Variants in TUSC3 observed in about 807,000 individuals in gnomAD.
The protein encoded by TUSC3 is tumor suppressor candidate 3.
A neutral mutation model predicts 44.8 loss-of-function variants in TUSC3; 45 were observed. The ratio of observed to expected loss-of-function variants is 1.00; its 90% CI spans 0.79 to 1.29. The LOEUF (loss-of-function observed/expected upper bound fraction) is 1.29. Among genes scored for constraint, TUSC3 ranks in the 50% most tolerant of loss-of-function variants. TUSC3 has a pLI of 0.00. For synonymous variants in TUSC3, 212 were observed against 152.9 expected, an observed-to-expected ratio of 1.39 and a Z score of -2.85; for missense variants, 519 against 437.9, an observed-to-expected ratio of 1.19 and a Z score of -1.65.
intron 2 of TUSC3, among the ~76,000 whole-genome samples, chr8:15,625,578 C>G (rs1260817547): frequency 3.3e-5 from 5 of 152,164 alleles, no homozygotes; most frequent in Non-Finnish European, 7.4e-5. Flanking sequence ...AGAGCAAACA[C>G]ATTTTGTACT....
the TUSC3 span, among the ~76,000 whole-genome samples, chr8:15,834,729 G>A: frequency 6.6e-6 from 1 of 151,938 alleles, no homozygotes; most frequent in African/African-American, 2.4e-5. Context: ...TGTTTTTCTG[G>A]TAATTTATTT....
chr8:15,743,640 AT>A, intron 8 of TUSC3, 28 bp downstream of exon 8: 1 of 1,612,590 alleles, frequency 6.2e-7, no homozygotes, highest in Non-Finnish European at 8.5e-7. Context: ...CATTTTTGTA[AT>A]TTCGTTTTAG....
rs114285722 is a variant in TUSC3, at chr8:15,562,344, C to A, written c.138+21776C>A. ...CTAATAAAACCGCTTCGCAATTTAT[C>A]TTTCCATCCGTCTTATCTCCTCTCC... On this transcript the variant is annotated intron_variant, in intron 1 of 10. Coordinates refer to ENST00000503731, the MANE Select transcript of TUSC3 (RefSeq NM_006765.4). Among the ~76,000 whole-genome samples, 1,172 of 152,210 alleles carry A rather than the reference C, an allele frequency of 7.7e-3. 10 individuals are homozygous for A. The highest frequency in any genetic ancestry group is 0.02 in the Middle Eastern group (6 of 294).
At chr8:15,460,272 A>C (rs1198344120) in intron 1 of TUSC3, among the ~76,000 whole-genome samples, 3 of 152,100 alleles carry the variant, frequency 2.0e-5, no homozygotes, top group African/African-American at 4.8e-5. Flanking sequence ...TTTGATTTGC[A>C]GTTCCCTGAT....
intron 1 of TUSC3, among the ~76,000 whole-genome samples, chr8:15,443,526 C>A (rs1800050285): frequency 6.6e-6 from 1 of 152,090 alleles, no homozygotes; most frequent in South Asian, 2.1e-4. Context: ...TGAAAGAGAT[C>A]TAAATTAACC....
intron 1 of TUSC3, among the ~76,000 whole-genome samples, chr8:15,482,450 C>G (rs373921625): frequency 3.8e-4 from 58 of 152,308 alleles, no homozygotes; most frequent in African/African-American, 1.4e-3. Context: ...TGATAGCACA[C>G]CTGTTTAAAG....
chr8:15,613,064 G>GATATATATATATATATATATATATAT (rs34594440), intron 1 of TUSC3, among the ~76,000 whole-genome samples: 6 of 144,570 alleles, frequency 4.2e-5, no homozygotes, highest in African/African-American at 1.5e-4. Context: ...TTATATATAT[G>GATATATATATATATATATATATATAT]ATATATATAT....
At chr8:15,723,927 A>C (rs1417162034) in intron 6 of TUSC3, among the ~76,000 whole-genome samples, 2 of 152,144 alleles carry the variant, frequency 1.3e-5, no homozygotes, top group Non-Finnish European at 2.9e-5. Flanking sequence ...TTCACTTAGA[A>C]TTACTGAGAG....
At chr8:15,461,466 A>C (rs893467392) in intron 1 of TUSC3, among the ~76,000 whole-genome samples, 1 of 152,062 alleles carries the variant, frequency 6.6e-6, no homozygotes, top group African/African-American at 2.4e-5. Context: ...GTGAGCGATC[A>C]TATCATCAGC....
At chr8:15,453,305 C>A (rs2129120668) in intron 1 of TUSC3, among the ~76,000 whole-genome samples, 1 of 152,258 alleles carries the variant, frequency 6.6e-6, no homozygotes, top group African/African-American at 2.4e-5. Context: ...ATAAACTCTT[C>A]TTCCTAAATT....
chr8:15,726,111 G>A (rs1451234244), intron 6 of TUSC3, among the ~76,000 whole-genome samples: 2 of 152,104 alleles, frequency 1.3e-5, no homozygotes, highest in African/African-American at 4.8e-5. Context: ...ATTTAAAAAT[G>A]TTGAAAAACC....
intron 1 of TUSC3, among the ~76,000 whole-genome samples, chr8:15,578,114 T>G (rs1344977425): frequency 6.7e-6 from 1 of 149,746 alleles, no homozygotes; most frequent in Admixed American, 6.7e-5. Flanking sequence ...GGCTCTCCGT[T>G]TGTCTGTTGT....
chr8:15,825,226 A>T, the TUSC3 span, among the ~76,000 whole-genome samples: 1 of 152,120 alleles, frequency 6.6e-6, no homozygotes, highest in Non-Finnish European at 1.5e-5. Context: ...GTTAGTTCTC[A>T]TGCTGCTGAT....
intron 5 of TUSC3, among the ~76,000 whole-genome samples, chr8:15,666,836 A>G (rs769859923): frequency 6.6e-6 from 1 of 151,506 alleles, no homozygotes; most frequent in Non-Finnish European, 1.5e-5. Flanking sequence ...TTTTGCAAAC[A>G]GGTATTTCTA....
chr8:15,632,013 ATTC>A (rs1563143966), intron 2 of TUSC3, among the ~76,000 whole-genome samples: 1 of 152,120 alleles, frequency 6.6e-6, no homozygotes, highest in Non-Finnish European at 1.5e-5. Context: ...GGCCAAGGCT[ATTC>A]TTATATAATT....
At chr8:15,661,583 A>G (rs1290887091) in intron 4 of TUSC3, among the ~76,000 whole-genome samples, 1 of 151,956 alleles carries the variant, frequency 6.6e-6, no homozygotes, top group Non-Finnish European at 1.5e-5. Context: ...CGAATTTCAA[A>G]TATCTGATCA....
chr8:15,654,554 T>C (rs1189841644), intron 3 of TUSC3, among the ~76,000 whole-genome samples: 1 of 152,276 alleles, frequency 6.6e-6, no homozygotes, highest in Middle Eastern at 3.4e-3. Context: ...CAAATCAGTC[T>C]TCTAATGAAC....
At chr8:15,440,747 C>T (rs564487163) in intron 1 of TUSC3, among the ~76,000 whole-genome samples, 2 of 152,290 alleles carry the variant, frequency 1.3e-5, no homozygotes, top group East Asian at 3.9e-4. Flanking sequence ...TGATATTCTT[C>T]AGGAAACTAT....
At chr8:15,712,836 A>G (rs1458002952) in intron 6 of TUSC3, among the ~76,000 whole-genome samples, 3 of 152,192 alleles carry the variant, frequency 2.0e-5, no homozygotes, top group East Asian at 3.9e-4. Flanking sequence ...TCCTATGTAA[A>G]CTAAACTACT....
Sources: gnomAD v4.1 joint callset for allele counts (sites outside exome capture counted in the v4.1 genomes callset) on GRCh38, gnomAD v4.1.1 for gene constraint, MANE v1.5 for transcripts, NCBI Gene and HGNC (gene_info 2026-07-23, HGNC 2026-07-21) for gene names.